Variants in LARP4 observed in about 807,000 individuals in gnomAD.
The protein encoded by LARP4 is La ribonucleoprotein 4.
LARP4 carries 29 observed loss-of-function variants against 92.9 expected under a neutral mutation model. The observed-to-expected ratio is 0.31, with a 90% CI of 0.23 to 0.43. The LOEUF is 0.43. Among genes scored for constraint, LARP4 ranks in the 20% least tolerant of loss-of-function variants. The pLI is 1.00. For synonymous variants in LARP4, 279 were observed against 284.1 expected (o/e 0.98, Z 0.18); for missense variants, 732 against 860.0 (o/e 0.85, Z 1.86).
chr12:50,472,338 C>G (rs1320814981), intron 13 of LARP4, among the ~76,000 whole-genome samples: 4 of 152,182 alleles, frequency 2.6e-5, no homozygotes, highest in Non-Finnish European at 4.4e-5. Context: ...CCTCCTTTCT[C>G]TTATCCTTCA....
At chr12:50,444,126 G>A (rs1318587442) in intron 8 of LARP4, among the ~76,000 whole-genome samples, 1 of 151,946 alleles carries the variant, frequency 6.6e-6, no homozygotes, top group Non-Finnish European at 1.5e-5. Flanking sequence ...GGTTAAATTG[G>A]GGACAGCTGG....
chr12:50,420,505 T>G (rs1422914495), intron 1 of LARP4, among the ~76,000 whole-genome samples: 1 of 152,190 alleles, frequency 6.6e-6, no homozygotes, highest in Non-Finnish European at 1.5e-5. Flanking sequence ...CCCAGTTATA[T>G]CAGATAAAAA....
rs1229836007 is a variant in LARP4 at position 50,463,808 on chromosome 12, G to A, written c.1383+1178G>A. Among the ~76,000 whole-genome samples, 7 of 152,146 alleles carry A rather than the reference G, an allele frequency of 4.6e-5. 1 individual carries two copies. Among genetic ancestry groups the A allele is most frequent in the South Asian group, 4.1e-4 (2 of 4,828 alleles). On this transcript the variant is annotated intron_variant, in intron 12 of 15. Coordinates refer to ENST00000398473, the MANE Select transcript of LARP4 (RefSeq NM_052879.5). ...TGGCCCTCTTCTGCCACTATGCAGT[G>A]CCCTAGTGGAGGCTTGATGTGAGGG...
intron 8 of LARP4, among the ~76,000 whole-genome samples, chr12:50,442,961 T>C (rs1951452991): frequency 1.3e-5 from 2 of 152,212 alleles, no homozygotes; most frequent in Admixed American, 1.3e-4. Flanking sequence ...GTCTATGATG[T>C]TCTTCTCCCT....
chr12:50,408,518 G>A (rs979143912), intron 1 of LARP4, among the ~76,000 whole-genome samples: 4 of 151,740 alleles, frequency 2.6e-5, no homozygotes, highest in Admixed American at 2.0e-4. Context: ...TCTCGTCAGG[G>A]TAGAAAAGTC....
intron 5 of LARP4, 42 bp downstream of exon 5, chr12:50,435,666 C>A (rs374256341): frequency 2.1e-6 from 3 of 1,428,166 alleles, no homozygotes; most frequent in Admixed American, 4.2e-5. Flanking sequence ...AATTTTTAAA[C>A]GTAAAATGTT....
chr12:50,410,168 T>G (rs989516055), intron 1 of LARP4, among the ~76,000 whole-genome samples: 1 of 152,116 alleles, frequency 6.6e-6, no homozygotes, highest in African/African-American at 2.4e-5. Flanking sequence ...GTTTGTGTAG[T>G]TAGCCATTAG....
At chr12:50,417,488 TA>T (rs1947034140) in intron 1 of LARP4, among the ~76,000 whole-genome samples, 1 of 152,138 alleles carries the variant, frequency 6.6e-6, no homozygotes, top group Admixed American at 6.6e-5. Flanking sequence ...CTGAGCTAAT[TA>T]CGATATGAGG....
chr12:50,467,032 C>T lies in LARP4; in HGVS notation c.1457C>T (p.Pro486Leu). 6.2e-7 allele frequency: 1 copy of T among 1,613,784 alleles called. No individual in the cohort carries two copies. The highest frequency in any genetic ancestry group is 8.5e-7 in the Non-Finnish European group (1 of 1,179,790). Residue 486 changes from proline (P) to leucine (L), a missense_variant, in exon 13 of 16, where the codon CCT becomes CTT. Pro to Leu is a moderately conservative substitution (Grantham distance 98). Transcript: ENST00000398473. ...GACTTATTAGCCTCAAATTTTCCAC[C>T]TTTACCTGGAAGTTCATCAAGAATG... ...KFDLLASNFP[P>L]LPGSSSRMPG...
In LARP4 at chr12:50,425,765, A is replaced by G. The variant is rs183076994; in HGVS notation, c.19-1997A>G. Among the ~76,000 whole-genome samples the G allele has an allele frequency of 1.8e-4, 27 of 152,236 alleles. No individual in the cohort carries two copies. The East Asian group carries it at 4.6e-3, about 26-fold the overall frequency. ...CATTTGTTCCCCTGGGACACAAACT[A>G]CTAGTTTGTCACTGGAACTTCTCTG... On this transcript the variant is annotated intron_variant, in intron 1 of 15. Coordinates refer to ENST00000398473, the MANE Select transcript of LARP4 (RefSeq NM_052879.5).
At chr12:50,473,928 T>G (rs1957250535) in intron 14 of LARP4, 71 bp from the exon 15 acceptor site, 2 of 1,367,866 alleles carry the variant, frequency 1.5e-6, no homozygotes. Flanking sequence ...AAATTACGTT[T>G]TCTTCTGATT....
intron 1 of LARP4, chr12:50,401,335 G>C (rs1341548158): frequency 8.0e-6 from 3 of 372,814 alleles, no homozygotes; most frequent in African/African-American, 6.3e-5. Context: ...AAAGGAGGCA[G>C]CATTGGGGGG....
chr12:50,426,731 GGTTTTTTT>G (rs1948836869), intron 1 of LARP4, among the ~76,000 whole-genome samples: 1 of 79,740 alleles, frequency 1.3e-5, no homozygotes, highest in African/African-American at 6.9e-5. Context: ...GTGTGTGTGT[GGTTTTTTT>G]TTTTTTTTTT....
At chr12:50,405,461 T>A (rs75303708) in intron 1 of LARP4, among the ~76,000 whole-genome samples, 5 of 145,194 alleles carry the variant, frequency 3.4e-5, no homozygotes, top group South Asian at 2.2e-4. Context: ...GTTTTTTTTT[T>A]AATTTTTAAT....
At chr12:50,437,623 C>A in intron 5 of LARP4, 112 bp from the exon 6 acceptor site, 1 of 596,128 alleles carries the variant, frequency 1.7e-6, no homozygotes, top group Non-Finnish European at 2.9e-6. Context: ...GGATATTAAC[C>A]CAGCCTCTGC....
At chr12:50,459,492 C>T (rs922883689) in intron 10 of LARP4, among the ~76,000 whole-genome samples, 5 of 152,024 alleles carry the variant, frequency 3.3e-5, no homozygotes, top group African/African-American at 9.7e-5. Context: ...GCCCTTCCTT[C>T]GCCCCCGTTT....
intron 12 of LARP4, among the ~76,000 whole-genome samples, chr12:50,463,958 T>C (rs1955810416): frequency 6.6e-6 from 1 of 152,124 alleles, no homozygotes; most frequent in Non-Finnish European, 1.5e-5. Context: ...GAGGATGCCA[T>C]ACATCCTCTG....
chr12:50,405,518 C>T (rs1463506028), intron 1 of LARP4, among the ~76,000 whole-genome samples: 15 of 151,844 alleles, frequency 9.9e-5, no homozygotes. Context: ...CTCCCCAGCT[C>T]AAGTGATCCT....
rs760401057 is a variant in LARP4, at chr12:50,461,330, G to T, written c.1317G>T (p.Gly439=). ...ETSTLQVEQN[G]DYGRGRRTLF... ...CCACTTTGCAGGTGGAACAGAATGG[G>T]GACTATGGTAGGGGCAGGTAAGAAA... The change falls in exon 11 of 16, where the codon GGG becomes GGT. Residue 439 remains glycine (G), a synonymous_variant. Coordinates refer to ENST00000398473, the MANE Select transcript of LARP4 (RefSeq NM_052879.5). The T allele has an allele frequency of 6.2e-7, 1 of 1,613,842 alleles. No individual in the cohort carries two copies. Among genetic ancestry groups the T allele is most frequent in the Non-Finnish European group, 8.5e-7 (1 of 1,179,974 alleles).
Sources: gnomAD v4.1 joint callset for allele counts (sites outside exome capture counted in the v4.1 genomes callset) on GRCh38, gnomAD v4.1.1 for gene constraint, MANE v1.5 for transcripts, NCBI Gene and HGNC (gene_info 2026-07-23, HGNC 2026-07-21) for gene names.